DTD1: variants seen among roughly 807,000 people sequenced by gnomAD.
DTD1 encodes D-aminoacyl-tRNA deacylase 1, also known as D-tyrosyl-tRNA deacylase 1 homolog.
In DTD1, 13 loss-of-function variants were observed where a neutral mutation model predicts 25.6. The observed-to-expected ratio is 0.51, with a 90% CI of 0.33 to 0.81. The LOEUF (loss-of-function observed/expected upper bound fraction) is 0.81, where lower values mean the gene tolerates loss of function less well. Among genes scored for constraint, DTD1 ranks in the 30% least tolerant of loss-of-function variants. The pLI, the probability that DTD1 is intolerant of heterozygous loss-of-function variation, is 0.02. For synonymous variants in DTD1, 110 were observed against 103.6 expected, an observed-to-expected ratio of 1.06 and a Z score of -0.37; for missense variants, 193 against 266.4, an observed-to-expected ratio of 0.72 and a Z score of 1.92.
At chr20:18,626,627 T>A (rs1248661853) in intron 3 of DTD1, among the ~76,000 whole-genome samples, 1 of 152,196 alleles carries the variant, frequency 6.6e-6, no homozygotes, top group Non-Finnish European at 1.5e-5. Context: ...CTGGTTAGTA[T>A]AATTCTTTTT....
chr20:18,729,857 G>A (rs534006346), intron 4 of DTD1, among the ~76,000 whole-genome samples: 30 of 152,208 alleles, frequency 2.0e-4, no homozygotes, highest in African/African-American at 6.7e-4. Flanking sequence ...TGCCCCTTAT[G>A]TTCATCACCT....
At chr20:18,625,085 C>G (rs1037972236) in intron 3 of DTD1, among the ~76,000 whole-genome samples, 1 of 152,190 alleles carries the variant, frequency 6.6e-6, no homozygotes, top group African/African-American at 2.4e-5. Flanking sequence ...GTAGACACCG[C>G]CCTCAGATGT....
chr20:18,753,528 A>AACCAAGG (rs1198895809), intron 5 of DTD1, among the ~76,000 whole-genome samples: 2 of 146,878 alleles, frequency 1.4e-5, no homozygotes, highest in African/African-American at 5.0e-5. Context: ...GAATCGCTTG[A>AACCAAGG]ACCAAGGAGG....
At chr20:18,741,891 C>T (rs2328332) in intron 4 of DTD1, among the ~76,000 whole-genome samples, 115,610 of 145,472 alleles carry the variant, frequency 0.79, 47,675 homozygotes, top group Non-Finnish European at 0.92. Flanking sequence ...CCTGGCTAAC[C>T]TTTGTATTTT....
intron 5 of DTD1, among the ~76,000 whole-genome samples, chr20:18,757,725 A>G (rs1274623039): frequency 4.6e-5 from 7 of 152,210 alleles, no homozygotes; most frequent in Non-Finnish European, 8.8e-5. Flanking sequence ...TATTGGTCTA[A>G]AATTCTCTTT....
intron 4 of DTD1, among the ~76,000 whole-genome samples, chr20:18,710,860 A>G (rs1257297261): frequency 1.3e-5 from 2 of 152,162 alleles, no homozygotes; most frequent in Non-Finnish European, 2.9e-5. Flanking sequence ...AGTGAGTTGA[A>G]TCATGGGCCC....
chr20:18,742,193 G>A (rs2061280947), intron 4 of DTD1, among the ~76,000 whole-genome samples: 1 of 152,150 alleles, frequency 6.6e-6, no homozygotes, highest in East Asian at 1.9e-4. Context: ...CATGTTCTCA[G>A]AAGCCCCCAC....
chr20:18,735,505 T>G (rs1427186888), intron 4 of DTD1, among the ~76,000 whole-genome samples: 1 of 152,244 alleles, frequency 6.6e-6, no homozygotes, highest in Non-Finnish European at 1.5e-5. Context: ...TCATCTCTAT[T>G]GTGTTCAGAA....
At chr20:18,712,109 T>G (rs186790180) in intron 4 of DTD1, among the ~76,000 whole-genome samples, 2 of 152,172 alleles carry the variant, frequency 1.3e-5, no homozygotes, top group African/African-American at 4.8e-5. Context: ...CACAAATATT[T>G]CTTCATCAAC....
At chr20:18,588,955 T>C (rs963435) in intron 1 of DTD1, 296,997 of 853,250 alleles carry the variant, frequency 0.35, 52,502 homozygotes, top group Non-Finnish European at 0.37. Flanking sequence ...TCTGTCTTTA[T>C]TGGCACAACT....
chr20:18,598,894 A>C (rs989783028), intron 3 of DTD1, among the ~76,000 whole-genome samples: 1 of 151,918 alleles, frequency 6.6e-6, no homozygotes, highest in Non-Finnish European at 1.5e-5. Context: ...TCAACCACTG[A>C]TCTTTTTACT....
intron 4 of DTD1, chr20:18,674,867 C>G (rs1417159444): frequency 6.6e-6 from 1 of 152,534 alleles, no homozygotes; most frequent in Non-Finnish European, 1.5e-5. Flanking sequence ...GAAGTGAATT[C>G]TGTGTGTGTC....
intron 3 of DTD1, among the ~76,000 whole-genome samples, chr20:18,617,273 A>G (rs1320259115): frequency 1.3e-5 from 2 of 151,350 alleles, no homozygotes; most frequent in African/African-American, 4.8e-5. Flanking sequence ...GAATGGGAAG[A>G]GTTCAAAACC....
intron 4 of DTD1, among the ~76,000 whole-genome samples, chr20:18,726,759 C>T (rs1407109785): frequency 6.6e-6 from 1 of 152,192 alleles, no homozygotes; most frequent in African/African-American, 2.4e-5. Flanking sequence ...GGACAGACAC[C>T]TACCACACTG....
At chr20:18,761,276 G>C (rs1235691218) in intron 5 of DTD1, among the ~76,000 whole-genome samples, 1 of 152,092 alleles carries the variant, frequency 6.6e-6, no homozygotes, top group Admixed American at 6.6e-5. Context: ...CCCTGTACCT[G>C]AGTTGGAAAT....
chr20:18,751,082 T>TGTGTGTGTGG (rs768297212), intron 5 of DTD1, among the ~76,000 whole-genome samples: 4 of 151,924 alleles, frequency 2.6e-5, no homozygotes, highest in Non-Finnish European at 5.9e-5. Context: ...TGTGTGTGTG[T>TGTGTGTGTGG]GTGGGTGTGT....
intron 4 of DTD1, among the ~76,000 whole-genome samples, chr20:18,692,841 T>C (rs2061052611): frequency 6.6e-6 from 1 of 152,074 alleles, no homozygotes; most frequent in South Asian, 2.1e-4. Flanking sequence ...TTTATTTTGC[T>C]ATATGCTACT....
At chr20:18,682,869 G>A (rs2061002944) in intron 4 of DTD1, among the ~76,000 whole-genome samples, 1 of 152,044 alleles carries the variant, frequency 6.6e-6, no homozygotes, top group South Asian at 2.1e-4. Context: ...TGCCCCATGT[G>A]GGTATACCCT....
chr20:18,755,741 A>T lies in DTD1; in HGVS notation c.*20-7619A>T, dbSNP rs181138476. Among the ~76,000 whole-genome samples the T allele has an allele frequency of 2.4e-4, 37 of 152,228 alleles. 1 individual carries two copies. In the East Asian group the frequency reaches 6.9e-3, roughly 29 times the overall value. On this transcript the variant is annotated intron_variant, in intron 5 of 5. Transcript: ENST00000377452. ...TGCCGCAATAAACATACGTGTGCAT[A>T]TGTCTTTATAGCAGCATGTTTTATA...
Sources: gnomAD v4.1 joint callset for allele counts (sites outside exome capture counted in the v4.1 genomes callset) on GRCh38, gnomAD v4.1.1 for gene constraint, MANE v1.5 for transcripts, NCBI Gene and HGNC (gene_info 2026-07-23, HGNC 2026-07-21) for gene names.